The following PCDH9 variants were observed in gnomAD, a reference collection of about 807,000 sequenced individuals.
The protein encoded by PCDH9 is protocadherin-9.
Under a neutral mutation model 70.6 loss-of-function variants are expected in PCDH9, and 24 were observed. The observed-to-expected ratio is 0.34, with a 90% CI of 0.25 to 0.48. The LOEUF is 0.48. Among genes scored for constraint, PCDH9 ranks in the 20% least tolerant of loss-of-function variants. PCDH9 has a pLI of 0.99. For synonymous variants in PCDH9, 562 were observed against 558.5 expected (o/e 1.01, Z -0.09); for missense variants, 1,281 against 1,503.6 (o/e 0.85, Z 2.45).
intron 3 of PCDH9, among the ~76,000 whole-genome samples, chr13:66,687,770 T>C (rs1389813844): frequency 6.6e-6 from 1 of 152,114 alleles, no homozygotes; most frequent in Non-Finnish European, 1.5e-5. Context: ...CCAAAAATAA[T>C]CAGTAAATGA....
intron 3 of PCDH9, among the ~76,000 whole-genome samples, chr13:66,876,283 CTG>C (rs1475358363): frequency 6.6e-6 from 1 of 152,062 alleles, no homozygotes; most frequent in African/African-American, 2.4e-5. Context: ...TACTGTGTAT[CTG>C]TCTTTCTCAG....
At chr13:66,714,315 A>G (rs2078839825) in intron 3 of PCDH9, among the ~76,000 whole-genome samples, 1 of 151,950 alleles carries the variant, frequency 6.6e-6, no homozygotes, top group South Asian at 2.1e-4. Context: ...AATATGAAAA[A>G]TTAGCCAGGC....
chr13:66,673,694 A>T (rs1474735866), intron 3 of PCDH9, among the ~76,000 whole-genome samples: 1 of 152,178 alleles, frequency 6.6e-6, no homozygotes, highest in Non-Finnish European at 1.5e-5. Flanking sequence ...GTGGTTTAAG[A>T]TGCCCAAACT....
intron 3 of PCDH9, among the ~76,000 whole-genome samples, chr13:66,697,783 C>G (rs1187813826): frequency 3.3e-5 from 5 of 152,012 alleles, no homozygotes; most frequent in Admixed American, 6.6e-5. Flanking sequence ...GGTATTTACC[C>G]AAAAGAAGTG....
At chr13:66,815,471 G>A (rs1264104477) in intron 3 of PCDH9, among the ~76,000 whole-genome samples, 2 of 152,112 alleles carry the variant, frequency 1.3e-5, no homozygotes, top group Non-Finnish European at 2.9e-5. Context: ...CACACGCACA[G>A]GTAGATTCAT....
In PCDH9 at chr13:66,620,163, T is replaced by C. The variant is rs556696542; in HGVS notation, c.3340+11047A>G. 2.6e-5 allele frequency among the ~76,000 whole-genome samples: 4 copies of C among 152,308 alleles called. No individual in the cohort carries two copies. In the East Asian group the frequency reaches 5.8e-4, roughly 22 times the overall value. On this transcript the variant is annotated intron_variant, in intron 4 of 4. Transcript: ENST00000377865. ...TCCAAATGAAATTTATCCTAGACTT[T>C]CCAAAATTCAAAATCTGGGCCCAAC...
At chr13:66,355,043 A>G (rs985114875) in intron 4 of PCDH9, among the ~76,000 whole-genome samples, 13 of 152,170 alleles carry the variant, frequency 8.5e-5, no homozygotes, top group African/African-American at 2.9e-4. Context: ...CGGTCGGTCC[A>G]TGGATCACAC....
chr13:66,504,911 T>A (rs142013339), intron 4 of PCDH9, among the ~76,000 whole-genome samples: 348 of 152,298 alleles, frequency 2.3e-3, no homozygotes, highest in African/African-American at 8.0e-3. Flanking sequence ...GGCTACTAGT[T>A]GCTACCACAT....
At chr13:66,781,406 C>A (rs2079995824) in intron 3 of PCDH9, among the ~76,000 whole-genome samples, 1 of 152,124 alleles carries the variant, frequency 6.6e-6, no homozygotes, top group Admixed American at 6.6e-5. Context: ...ATGCGCTATG[C>A]TGCACAGATG....
chr13:66,644,034 A>G (rs959468081), intron 3 of PCDH9, among the ~76,000 whole-genome samples: 2 of 152,012 alleles, frequency 1.3e-5, no homozygotes, highest in Non-Finnish European at 2.9e-5. Context: ...ATTTTCTAAA[A>G]TTTATACATA....
intron 2 of PCDH9, among the ~76,000 whole-genome samples, chr13:67,149,123 T>G (rs572718182): frequency 2.0e-5 from 3 of 152,292 alleles, no homozygotes; most frequent in African/African-American, 7.2e-5. Context: ...TACATGCCAA[T>G]GATATTGTAG....
chr13:67,016,941 T>C (rs935040655), intron 2 of PCDH9, among the ~76,000 whole-genome samples: 30 of 151,964 alleles, frequency 2.0e-4, no homozygotes, highest in Admixed American at 1.8e-3. Flanking sequence ...AAGTGCTCAA[T>C]GATATTTTCT....
chr13:66,566,523 C>G (rs900705554), intron 4 of PCDH9, among the ~76,000 whole-genome samples: 6 of 152,138 alleles, frequency 3.9e-5, no homozygotes, highest in African/African-American at 1.4e-4. Flanking sequence ...TCACACAAAA[C>G]AGCTAGGCAG....
At chr13:67,081,813 T>G (rs1327336306) in intron 2 of PCDH9, among the ~76,000 whole-genome samples, 1 of 152,226 alleles carries the variant, frequency 6.6e-6, no homozygotes, top group Non-Finnish European at 1.5e-5. Context: ...TACTTTCAAT[T>G]ATTTCCTAGA....
chr13:66,832,206 AGTTT>A (rs1017461369), intron 3 of PCDH9, among the ~76,000 whole-genome samples: 11 of 152,164 alleles, frequency 7.2e-5, no homozygotes, highest in African/African-American at 2.7e-4. Context: ...AAAATTGCAT[AGTTT>A]GTTTTCAACA....
chr13:66,572,393 C>T (rs923138859), intron 4 of PCDH9, among the ~76,000 whole-genome samples: 9 of 152,116 alleles, frequency 5.9e-5, no homozygotes, highest in Non-Finnish European at 1.0e-4. Context: ...CACTTGCCAG[C>T]CACCACTCTA....
chr13:66,736,018 T>A lies in PCDH9; in HGVS notation c.3139-104607A>T, dbSNP rs556749210. On this transcript the variant is annotated intron_variant, in intron 3 of 4. Coordinates refer to ENST00000377865, the MANE Select transcript of PCDH9 (RefSeq NM_203487.3). Reference sequence around the variant, plus strand: ...CATGATATATGTGAAAATATTCAGTTCATATGCTGGAACACTGTACTTATT... The same window carrying A: ...CATGATATATGTGAAAATATTCAGTACATATGCTGGAACACTGTACTTATT... Among the ~76,000 whole-genome samples the A allele has an allele frequency of 1.2e-4, 19 of 152,252 alleles. No individual in the cohort carries two copies. The East Asian group carries it at 3.7e-3, about 29-fold the overall frequency.
rs1032949215 is a variant in PCDH9 at position 66,523,738 on chromosome 13, A to G, written c.3340+107472T>C. On this transcript the variant is annotated intron_variant, in intron 4 of 4. Coordinates refer to ENST00000377865, the MANE Select transcript of PCDH9 (RefSeq NM_203487.3). ...AAGAGATTAAGGATGATTTTTTAAA[A>G]ATATGATTACCATTATCACATAGAA... 2.0e-5 allele frequency among the ~76,000 whole-genome samples: 3 copies of G among 151,994 alleles called. No homozygotes were observed. In the East Asian group the frequency reaches 5.8e-4, roughly 29 times the overall value.
At chr13:66,825,461 C>G (rs1024613978) in intron 3 of PCDH9, among the ~76,000 whole-genome samples, 2 of 149,258 alleles carry the variant, frequency 1.3e-5, no homozygotes, top group African/African-American at 4.9e-5. Context: ...CTCAGCCTCC[C>G]GTGTAGCTGG....
Sources: allele counts gnomAD v4.1 joint callset (sites outside exome capture counted in the v4.1 genomes callset), GRCh38; gene constraint gnomAD v4.1.1; transcripts MANE v1.5; gene names NCBI Gene and HGNC (gene_info 2026-07-23, HGNC 2026-07-21).